Variants in SIPA1L1 observed in about 807,000 individuals in gnomAD.
SIPA1L1 encodes signal induced proliferation associated 1 like 1.
In SIPA1L1, 26 loss-of-function variants were observed where a neutral mutation model predicts 162.7. That is an observed-to-expected ratio of 0.16 (90% confidence interval 0.12 to 0.22). SIPA1L1 has a LOEUF of 0.22. SIPA1L1 is among the 10% of genes least tolerant of loss of function. The pLI, the probability that SIPA1L1 is intolerant of heterozygous loss-of-function variation, is 1.00. For missense variants in SIPA1L1, 1,874 were observed against 2,241.0 expected (o/e 0.84, Z 3.31); for synonymous variants, 829 against 837.4 (o/e 0.99, Z 0.17).
intron 4 of SIPA1L1, among the ~76,000 whole-genome samples, chr14:71,571,507 A>AT (rs2032012916): frequency 6.6e-6 from 1 of 152,258 alleles, no homozygotes; most frequent in South Asian, 2.1e-4. Flanking sequence ...ACATAAAAAA[A>AT]ACTGGAATCA....
chr14:71,698,975 A>G lies in SIPA1L1; in HGVS notation c.3375-6A>G. On this transcript the variant is annotated splice_region_variant and splice_polypyrimidine_tract_variant and intron_variant, in intron 13 of 23. Coordinates refer to ENST00000381232, the MANE Select transcript of SIPA1L1 (RefSeq NM_001386936.1). ...TTGACTTCATGTTTTTGTATTGCAC[A>G]TGCAGGCTGTCTCCTGGTTCGGACA... The G allele has an allele frequency of 1.9e-6, 3 of 1,614,202 alleles. No homozygotes were observed. The highest frequency in any genetic ancestry group is 2.5e-6 in the Non-Finnish European group (3 of 1,180,012).
chr14:71,731,809 C>G (rs1431714226), intron 20 of SIPA1L1, among the ~76,000 whole-genome samples: 1 of 152,164 alleles, frequency 6.6e-6, no homozygotes, highest in Admixed American at 6.5e-5. Flanking sequence ...TCTCTGAGCC[C>G]CTTCCCTTCA....
chr14:71,627,776 C>T (rs995296419), intron 7 of SIPA1L1, among the ~76,000 whole-genome samples: 2 of 152,164 alleles, frequency 1.3e-5, no homozygotes, highest in African/African-American at 4.8e-5. Context: ...CAGAAATTCC[C>T]AGAGCTGTTT....
intron 20 of SIPA1L1, among the ~76,000 whole-genome samples, chr14:71,731,814 C>CCTT (rs2084813721): frequency 6.6e-6 from 1 of 152,206 alleles, no homozygotes; most frequent in African/African-American, 2.4e-5. Context: ...GAGCCCCTTC[C>CCTT]CTTCACTTTT....
intron 2 of SIPA1L1, among the ~76,000 whole-genome samples, chr14:71,456,205 T>C (rs576826836): frequency 8.5e-5 from 13 of 152,196 alleles, no homozygotes; most frequent in Non-Finnish European, 1.6e-4. Context: ...AAGAGCATAG[T>C]ACATGGATAG....
chr14:71,565,771 A>G (rs1048411377), intron 4 of SIPA1L1, among the ~76,000 whole-genome samples: 1 of 152,076 alleles, frequency 6.6e-6, no homozygotes, highest in Non-Finnish European at 1.5e-5. Flanking sequence ...TTTCCTGTGT[A>G]TTACTTCCAA....
chr14:71,418,092 A>G (rs560260747), intron 2 of SIPA1L1: 1 of 152,310 alleles, frequency 6.6e-6, no homozygotes, highest in Admixed American at 6.5e-5. Flanking sequence ...AGTAGGAACA[A>G]CTTATTCTCA....
In SIPA1L1 at chr14:71,564,490, C is replaced by CTTTTTTT. The variant is rs370431365; in HGVS notation, c.-302-23076_-302-23070dup. On this transcript the variant is annotated intron_variant, in intron 4 of 23. Transcript: ENST00000381232. ...ACTTCTTATCCTCGGCATTTTCTTT[C>CTTTTTTT]TTTTTTTTTTTCCGAGACAGAGTCT... Among the ~76,000 whole-genome samples, 2 of 97,778 alleles carry CTTTTTTT rather than the reference C, an allele frequency of 2.0e-5. 1 individual carries two copies. Among genetic ancestry groups the CTTTTTTT allele is most frequent in the South Asian group, 6.8e-4 (2 of 2,928 alleles). 64.1% of individuals were successfully genotyped at this position (97,778 alleles called of 152,430 possible).
chr14:71,675,594 G>C (rs1270819812), intron 12 of SIPA1L1, among the ~76,000 whole-genome samples: 2 of 152,220 alleles, frequency 1.3e-5, no homozygotes, highest in Non-Finnish European at 2.9e-5. Flanking sequence ...TAATGCTCTT[G>C]TGTCATTTTT....
rs1338881534 is a variant in SIPA1L1, at chr14:71,678,980, G to A, written c.3104+6358G>A. Among the ~76,000 whole-genome samples the A allele has an allele frequency of 1.1e-4, 17 of 152,146 alleles. No homozygotes were observed. The South Asian group carries it at 1.2e-3, about 11-fold the overall frequency. ...TCTGATTGGTGTACCTGAAAGTGAC[G>A]GGGAGAATGGAACCAAGTTGGAAAA... On this transcript the variant is annotated intron_variant, in intron 12 of 23. Transcript: ENST00000381232.
intron 4 of SIPA1L1, among the ~76,000 whole-genome samples, chr14:71,532,389 A>G (rs1474928542): frequency 6.6e-6 from 1 of 152,176 alleles, no homozygotes; most frequent in Non-Finnish European, 1.5e-5. Flanking sequence ...TATATATATT[A>G]ATGGCATACA....
intron 3 of SIPA1L1, among the ~76,000 whole-genome samples, chr14:71,517,027 A>G (rs1203665526): frequency 2.0e-5 from 3 of 152,162 alleles, no homozygotes; most frequent in Non-Finnish European, 4.4e-5. Flanking sequence ...CCACAGTGTG[A>G]ATGGTGCTTT....
At chr14:71,691,403 G>A (rs1283386061) in intron 13 of SIPA1L1, among the ~76,000 whole-genome samples, 1 of 152,066 alleles carries the variant, frequency 6.6e-6, no homozygotes, top group Non-Finnish European at 1.5e-5. Flanking sequence ...ACCAGCCTGG[G>A]CAACATAGTG....
rs138279816 is a variant in SIPA1L1 at position 71,452,575 on chromosome 14, A to G, written c.-464-60168A>G. Reference sequence around the variant, plus strand: ...GGGATTACCAAGCTATAGGATATGTATTAATATTTGTTCAGATTTAGTAGA... The same window carrying G: ...GGGATTACCAAGCTATAGGATATGTGTTAATATTTGTTCAGATTTAGTAGA... On this transcript the variant is annotated intron_variant, in intron 2 of 23. Transcript: ENST00000381232. 1.3e-4 allele frequency among the ~76,000 whole-genome samples: 20 copies of G among 152,280 alleles called. No homozygotes were observed. The East Asian group carries it at 3.7e-3, about 28-fold the overall frequency.
Position 71,650,441 on chromosome 14 carries a change from T to C in SIPA1L1, c.1925T>C (p.Leu642Pro). 1 of 1,614,080 alleles carries C rather than the reference T, an allele frequency of 6.2e-7. No individual in the cohort carries two copies. Among genetic ancestry groups the C allele is most frequent in the South Asian group, 1.1e-5 (1 of 91,078 alleles). Residue 642 changes from leucine to proline, a missense_variant, in exon 8 of 24, where the codon CTT becomes CCT. Leu to Pro is a moderately conservative substitution (Grantham distance 98). Around this residue, in one of 5 missense-constraint regions of SIPA1L1, gnomAD observed 685 missense variants for 828.0 expected, o/e 0.83. Transcript: ENST00000381232. The part of the protein sequence containing the change: ...ESAGPAFEEF[L>P]QLLGERVRLK... ...GCTGGCCCAGCCTTTGAAGAATTTC[T>C]TCAACTATTGGGAGAGCGAGTTCGG... is the stretch of plus-strand genomic sequence containing the variant.
chr14:71,337,231 G>A (rs542220217), intron 2 of SIPA1L1, among the ~76,000 whole-genome samples: 87 of 152,132 alleles, frequency 5.7e-4, no homozygotes, highest in Non-Finnish European at 9.9e-4. Flanking sequence ...GTCCTCTTCC[G>A]TCCTATTCTG....
chr14:71,326,389 A>C (rs1453880898), intron 2 of SIPA1L1, among the ~76,000 whole-genome samples: 1 of 151,872 alleles, frequency 6.6e-6, no homozygotes, highest in Non-Finnish European at 1.5e-5. Context: ...TTATATTTTT[A>C]GTAGAGGCAG....
At chr14:71,602,874 A>C (rs2036950398) in intron 5 of SIPA1L1, among the ~76,000 whole-genome samples, 1 of 152,200 alleles carries the variant, frequency 6.6e-6, no homozygotes, top group Admixed American at 6.5e-5. Flanking sequence ...CCTTATTAGA[A>C]TCTAATGCCT....
At chr14:71,340,745 G>A (rs1262908055) in intron 2 of SIPA1L1, among the ~76,000 whole-genome samples, 1 of 152,082 alleles carries the variant, frequency 6.6e-6, no homozygotes, top group African/African-American at 2.4e-5. Flanking sequence ...TTACCATCCT[G>A]GCCAACGTGG....
Sources: gnomAD v4.1 joint callset for allele counts (sites outside exome capture counted in the v4.1 genomes callset) on GRCh38, gnomAD v4.1.1 for gene constraint, gnomAD v4.1.1 regional missense constraint, MANE v1.5 for transcripts, NCBI Gene and HGNC (gene_info 2026-07-23, HGNC 2026-07-21) for gene names.